Variants in RERE observed in about 807,000 individuals in gnomAD.
RERE encodes arginine-glutamic acid dipeptide repeats protein.
In RERE, 40 loss-of-function variants were observed where a neutral mutation model predicts 146.1. The ratio of observed to expected loss-of-function variants is 0.27; its 90% confidence interval spans 0.21 to 0.36. The LOEUF (loss-of-function observed/expected upper bound fraction) is 0.36, where lower values mean the gene tolerates loss of function less well. RERE is among the 10% of genes least tolerant of loss of function. The probability of loss-of-function intolerance (pLI) is 1.00; values close to 1 mark genes in which losing one functional copy is unlikely to be tolerated. For synonymous variants in RERE, 1,003 were observed against 866.0 expected (o/e 1.16, Z -2.78); for missense variants, 1,933 against 2,138.7 (o/e 0.90, Z 1.90).
At chr1:8,359,515 G>A (rs1407206690) in intron 19 of RERE, among the ~76,000 whole-genome samples, 1 of 152,218 alleles carries the variant, frequency 6.6e-6, no homozygotes, top group Non-Finnish European at 1.5e-5. Flanking sequence ...TTCCTCGAAG[G>A]CCCTCCGGTA....
chr1:8,535,402 T>C (rs1007168311), intron 7 of RERE, among the ~76,000 whole-genome samples: 2 of 152,210 alleles, frequency 1.3e-5, no homozygotes, highest in African/African-American at 4.8e-5. Context: ...AATTTCCTGA[T>C]TTTGAGGGCT....
chr1:8,501,996 G>GC (rs1645171084), intron 8 of RERE, among the ~76,000 whole-genome samples: 1 of 111,280 alleles, frequency 9.0e-6, no homozygotes, highest in Non-Finnish European at 1.9e-5. Context: ...GGGGGGGTCA[G>GC]CCCCCCGCCC....
chr1:8,797,507 C>A (rs946533608), intron 1 of RERE, among the ~76,000 whole-genome samples: 1 of 152,144 alleles, frequency 6.6e-6, no homozygotes, highest in Non-Finnish European at 1.5e-5. Flanking sequence ...TAAGAAATCT[C>A]TGGAATAAAA....
chr1:8,680,654 A>G (rs10746481), intron 1 of RERE, among the ~76,000 whole-genome samples: 127,556 of 152,134 alleles, frequency 0.84, 53,779 homozygotes, highest in East Asian at 0.94. Context: ...TAAAAAGGAA[A>G]GAGAGACTGA....
intron 4 of RERE, among the ~76,000 whole-genome samples, chr1:8,598,522 C>T (rs570259848): frequency 5.9e-5 from 9 of 152,310 alleles, no homozygotes; most frequent in Admixed American, 3.9e-4. Context: ...TCTTCCAGGA[C>T]GGTCCTCCCT....
chr1:8,454,179 G>T (rs915044312), intron 11 of RERE, among the ~76,000 whole-genome samples: 1 of 152,144 alleles, frequency 6.6e-6, no homozygotes, highest in Non-Finnish European at 1.5e-5. Context: ...TACTGTCAAT[G>T]GCAAAGCTTA....
intron 1 of RERE, among the ~76,000 whole-genome samples, chr1:8,788,870 G>A (rs1641308138): frequency 6.6e-6 from 1 of 151,550 alleles, no homozygotes; most frequent in South Asian, 2.1e-4. Context: ...GGATTACAGT[G>A]AGGCATAAGA....
At chr1:8,652,283 T>C (rs1381870512) in intron 2 of RERE, among the ~76,000 whole-genome samples, 2 of 152,196 alleles carry the variant, frequency 1.3e-5, no homozygotes, top group Admixed American at 1.3e-4. Context: ...TTATAGATCC[T>C]TCATAATACA....
At chr1:8,664,833 C>G (rs1638534563) in intron 1 of RERE, among the ~76,000 whole-genome samples, 1 of 152,172 alleles carries the variant, frequency 6.6e-6, no homozygotes, top group African/African-American at 2.4e-5. Flanking sequence ...CTTGATTAGT[C>G]TCTTCAAATC....
At chr1:8,433,421 T>C (rs188731725) in intron 11 of RERE, among the ~76,000 whole-genome samples, 41 of 152,352 alleles carry the variant, frequency 2.7e-4, no homozygotes, top group African/African-American at 8.9e-4. Flanking sequence ...TCTCTGGACA[T>C]GTGTCTTTGA....
At chr1:8,502,641 A>G (rs1645189282) in intron 8 of RERE, among the ~76,000 whole-genome samples, 4 of 149,772 alleles carry the variant, frequency 2.7e-5, no homozygotes, top group South Asian at 4.2e-4. Context: ...TTTGTGGAAT[A>G]GAAAGGCGGG....
At chr1:8,701,540 G>A (rs1233307626) in intron 1 of RERE, among the ~76,000 whole-genome samples, 1 of 152,128 alleles carries the variant, frequency 6.6e-6, no homozygotes, top group Non-Finnish European at 1.5e-5. Context: ...ATGAATGTGG[G>A]TTAAGTCTTT....
At chr1:8,367,457 C>T (rs1030110801) in intron 12 of RERE, among the ~76,000 whole-genome samples, 1 of 152,216 alleles carries the variant, frequency 6.6e-6, no homozygotes, top group African/African-American at 2.4e-5. Context: ...GGCTGACTGG[C>T]CTATAAAGCC....
chr1:8,640,926 A>C (rs1244065850), intron 2 of RERE, among the ~76,000 whole-genome samples: 1 of 152,200 alleles, frequency 6.6e-6, no homozygotes, highest in Admixed American at 6.5e-5. Context: ...CCAAAGTAAA[A>C]TTCATGCACA....
Position 8,541,327 on chromosome 1 carries a change from A to T in RERE, c.726-9T>A. On this transcript the variant is annotated splice_polypyrimidine_tract_variant and intron_variant, in intron 6 of 22. Coordinates refer to ENST00000400908, the MANE Select transcript of RERE (RefSeq NM_001042681.2). ...AGATGTTACACTTCCCTCTGGGAAA[A>T]AGAGAAAAAAATAATTAGTAATACC... 1 of 1,561,990 alleles carries T rather than the reference A, an allele frequency of 6.4e-7. No individual in the cohort carries two copies. Among genetic ancestry groups the T allele is most frequent in the African/African-American group, 1.4e-5 (1 of 73,730 alleles).
chr1:8,455,047 C>T (rs571148974), intron 11 of RERE, among the ~76,000 whole-genome samples: 2 of 152,004 alleles, frequency 1.3e-5, no homozygotes, highest in Non-Finnish European at 1.5e-5. Flanking sequence ...AAGAGCCTGG[C>T]TTATCTTCTT....
At chr1:8,584,566 A>G (rs1367150178) in intron 4 of RERE, among the ~76,000 whole-genome samples, 1 of 152,104 alleles carries the variant, frequency 6.6e-6, no homozygotes, top group Non-Finnish European at 1.5e-5. Flanking sequence ...TCCATTAGAG[A>G]ACAAACTTCA....
chr1:8,555,474 T>C (rs1645996673), intron 6 of RERE, among the ~76,000 whole-genome samples: 1 of 152,128 alleles, frequency 6.6e-6, no homozygotes, highest in African/African-American at 2.4e-5. Flanking sequence ...TATGTAGCTT[T>C]GCAAAAAAGA....
intron 1 of RERE, among the ~76,000 whole-genome samples, chr1:8,669,629 A>ATT (rs1279996240): frequency 6.6e-6 from 1 of 152,208 alleles, no homozygotes; most frequent in Non-Finnish European, 1.5e-5. Flanking sequence ...AACACAGTCA[A>ATT]TTAAACTAGT....
Sources: allele counts gnomAD v4.1 joint callset (sites outside exome capture counted in the v4.1 genomes callset), GRCh38; gene constraint gnomAD v4.1.1; transcripts MANE v1.5; gene names NCBI Gene and HGNC (gene_info 2026-07-23, HGNC 2026-07-21).